The following LUZP2 variants were observed in gnomAD, a reference collection of about 807,000 sequenced individuals.
LUZP2 encodes the protein leucine zipper protein 2.
A neutral mutation model predicts 51.6 loss-of-function variants in LUZP2; 52 were observed. The observed-to-expected ratio is 1.01, with a 90% CI of 0.81 to 1.27. The LOEUF (loss-of-function observed/expected upper bound fraction) is 1.27, where lower values mean the gene tolerates loss of function less well. Among genes scored for constraint, LUZP2 ranks in the 50% most tolerant of loss-of-function variants. The pLI is 0.00. For synonymous variants in LUZP2, 154 were observed against 137.3 expected, an observed-to-expected ratio of 1.12 and a Z score of -0.85; for missense variants, 436 against 395.4, an observed-to-expected ratio of 1.10 and a Z score of -0.87.
intron 6 of LUZP2, among the ~76,000 whole-genome samples, chr11:24,910,420 G>A (rs1853589700): frequency 6.6e-6 from 1 of 152,148 alleles, no homozygotes; most frequent in Non-Finnish European, 1.5e-5. Flanking sequence ...GGTCTAGGAG[G>A]GAAAAATGGT....
chr11:24,925,915 C>T (rs1053498408), intron 7 of LUZP2, among the ~76,000 whole-genome samples: 1 of 151,570 alleles, frequency 6.6e-6, no homozygotes, highest in Non-Finnish European at 1.5e-5. Flanking sequence ...CTTTTGAGTC[C>T]CCAAAGTCCA....
chr11:24,932,366 G>A (rs546035866), intron 7 of LUZP2, among the ~76,000 whole-genome samples: 58 of 152,196 alleles, frequency 3.8e-4, no homozygotes, highest in African/African-American at 1.3e-3. Flanking sequence ...GTGCTCCCAC[G>A]AGATTATGTA....
intron 9 of LUZP2, among the ~76,000 whole-genome samples, chr11:25,034,063 C>T (rs1047485983): frequency 3.9e-5 from 6 of 152,226 alleles, no homozygotes; most frequent in African/African-American, 1.4e-4. Context: ...ATAAACATTC[C>T]CTTTTCTTCA....
chr11:24,726,471 TA>T lies in LUZP2; in HGVS notation c.63-2688del, dbSNP rs548140424. Among the ~76,000 whole-genome samples the T allele has an allele frequency of 2.1e-4, 31 of 148,864 alleles. No individual in the cohort carries two copies. In the East Asian group the frequency reaches 2.4e-3, roughly 11 times the overall value. ...CTAAATACCCACAAAAATTAAAAAT[TA>T]AAAAAAAAATAAATACAAGATATGG... On this transcript the variant is annotated intron_variant, in intron 1 of 11. Transcript: ENST00000336930.
chr11:24,539,700 G>A (rs923853780), intron 1 of LUZP2, among the ~76,000 whole-genome samples: 2 of 151,936 alleles, frequency 1.3e-5, no homozygotes, highest in Non-Finnish European at 2.9e-5. Flanking sequence ...TAGGAAGCAA[G>A]TCAATACATT....
At chr11:24,667,247 G>A (rs890814947) in intron 1 of LUZP2, among the ~76,000 whole-genome samples, 31 of 143,514 alleles carry the variant, frequency 2.2e-4, no homozygotes, top group Admixed American at 4.3e-4. Context: ...GCAGTGGCAC[G>A]ATCTCGGATC....
chr11:24,664,350 C>A (rs1016089727), intron 1 of LUZP2, among the ~76,000 whole-genome samples: 2 of 152,048 alleles, frequency 1.3e-5, no homozygotes, highest in African/African-American at 4.8e-5. Flanking sequence ...GCAAAGCATT[C>A]AAGAGGAAAC....
chr11:25,027,027 A>G (rs1420853712), intron 9 of LUZP2, among the ~76,000 whole-genome samples: 1 of 152,036 alleles, frequency 6.6e-6, no homozygotes, highest in Non-Finnish European at 1.5e-5. Flanking sequence ...CTATGCATAC[A>G]GATCACAACC....
chr11:24,823,427 A>T (rs1276040099), intron 5 of LUZP2, among the ~76,000 whole-genome samples: 4 of 151,750 alleles, frequency 2.6e-5, no homozygotes. Flanking sequence ...GCCATAGAAG[A>T]CCTTGGAGGC....
rs1854099360 is a variant in LUZP2 at position 24,611,002 on chromosome 11, T to C, written c.62+113697T>C. Among the ~76,000 whole-genome samples, 1 of 152,226 alleles carries C rather than the reference T, an allele frequency of 6.6e-6. No homozygotes were observed. Among genetic ancestry groups the C allele is most frequent in the Admixed American group, 6.5e-5 (1 of 15,282 alleles). Reference sequence around the variant, plus strand: ...TGATTAAACCAGAGTTATACCTACATGATATGTTTTAGGTCTTAAATTGTT... The same window carrying C: ...TGATTAAACCAGAGTTATACCTACACGATATGTTTTAGGTCTTAAATTGTT... On this transcript the variant is annotated intron_variant, in intron 1 of 11. Transcript: ENST00000336930. This position sits in a 1 kb window ranked among gnomAD's most constrained non-coding sequence, Gnocchi z 4.6.
chr11:24,671,163 G>T (rs1334744658), intron 1 of LUZP2, among the ~76,000 whole-genome samples: 1 of 151,396 alleles, frequency 6.6e-6, no homozygotes. Context: ...ATATTTTTGG[G>T]CCTCATTCCA....
chr11:24,682,058 A>G (rs564682285), intron 1 of LUZP2, among the ~76,000 whole-genome samples: 1 of 152,344 alleles, frequency 6.6e-6, no homozygotes, highest in Admixed American at 6.5e-5. Context: ...TTATCTCAGA[A>G]TAAGCAAAGG....
chr11:24,602,244 G>GCAAACA lies in LUZP2; in HGVS notation c.62+104939_62+104940insCAAACA, dbSNP rs1565020968. Among the ~76,000 whole-genome samples the GCAAACA allele has an allele frequency of 4.4e-3, 341 of 77,912 alleles. 1 individual carries two copies. Among genetic ancestry groups the GCAAACA allele is most frequent in the Non-Finnish European group, 7.4e-3 (268 of 36,124 alleles). 51.1% of individuals were successfully genotyped at this position (77,912 alleles called of 152,430 possible). ...TATATGTACATATATGTGTATATAT[G>GCAAACA]TATATATATGCAAACATATATGTAC... On this transcript the variant is annotated intron_variant, in intron 1 of 11. Transcript: ENST00000336930.
At chr11:24,562,779 A>T (rs7117982) in intron 1 of LUZP2, among the ~76,000 whole-genome samples, 1 of 149,268 alleles carries the variant, frequency 6.7e-6, no homozygotes, top group Admixed American at 6.7e-5. Flanking sequence ...GGAGAATGGC[A>T]TGAACCCGGG....
chr11:24,542,920 A>T (rs2133722674), intron 1 of LUZP2, among the ~76,000 whole-genome samples: 1 of 145,800 alleles, frequency 6.9e-6, no homozygotes. Flanking sequence ...GCACACACAC[A>T]CACAGAAAAA....
Position 24,497,346 on chromosome 11 carries a change from G to T in LUZP2, c.62+41G>T, listed in dbSNP as rs766554341. On this transcript the variant is annotated intron_variant, in intron 1 of 11. Transcript: ENST00000336930. ...TGAGTGACCTGAGGCCAGGGGCGCT[G>T]CCGGGGCGAGGTTGGTCCTACTGTG... 15 of 1,438,104 alleles carry T rather than the reference G, an allele frequency of 1.0e-5. No homozygotes were observed. In the Admixed American group the frequency reaches 1.2e-4, roughly 11 times the overall value. 89.1% of individuals were successfully genotyped at this position (1,438,104 alleles called of 1,614,324 possible).
chr11:24,578,016 C>G (rs1341251014), intron 1 of LUZP2, among the ~76,000 whole-genome samples: 3 of 152,116 alleles, frequency 2.0e-5, no homozygotes, highest in Admixed American at 2.0e-4. Context: ...GCTCAGCCAT[C>G]GCTCAGCATG....
chr11:25,034,082 C>A (rs576958032), intron 9 of LUZP2, among the ~76,000 whole-genome samples: 13 of 152,264 alleles, frequency 8.5e-5, no homozygotes, highest in African/African-American at 2.6e-4. Flanking sequence ...CACAGCCTCA[C>A]CACCATCCCT....
chr11:25,039,359 G>A (rs1283926129), intron 9 of LUZP2, among the ~76,000 whole-genome samples: 1 of 152,168 alleles, frequency 6.6e-6, no homozygotes, highest in East Asian at 1.9e-4. Flanking sequence ...AGGCTACACT[G>A]TGTACATGCA....
Sources: allele counts gnomAD v4.1 joint callset (sites outside exome capture counted in the v4.1 genomes callset), GRCh38; gene constraint gnomAD v4.1.1; non-coding constraint Gnocchi (gnomAD v3.1); transcripts MANE v1.5; gene names NCBI Gene and HGNC (gene_info 2026-07-23, HGNC 2026-07-21).